Variants in TNC observed in about 807,000 individuals in gnomAD.
The protein encoded by TNC is tenascin.
Under a neutral mutation model 202.4 loss-of-function variants are expected in TNC, and 109 were observed. That is an observed-to-expected ratio of 0.54 (90% confidence interval 0.46 to 0.63). The LOEUF (loss-of-function observed/expected upper bound fraction) is 0.63. Among genes scored for constraint, TNC ranks in the 30% least tolerant of loss-of-function variants. TNC has a pLI of 0.00. For missense variants in TNC, 2,756 were observed against 2,833.3 expected, an observed-to-expected ratio of 0.97 and a Z score of 0.62; for synonymous variants, 1,007 against 1,089.7, an observed-to-expected ratio of 0.92 and a Z score of 1.50.
intron 1 of TNC, among the ~76,000 whole-genome samples, chr9:115,097,158 G>T (rs1190459436): frequency 2.0e-5 from 3 of 152,138 alleles, no homozygotes; most frequent in Non-Finnish European, 4.4e-5. Flanking sequence ...AAATAAACCT[G>T]TGTTCGAATC....
chr9:115,063,155 G>T lies in TNC; in HGVS notation c.3795C>A (p.Thr1265=). The T allele has an allele frequency of 1.9e-6, 3 of 1,614,110 alleles. No individual in the cohort carries two copies. ...GTCTGAGAGCATCCCAGCTAACCTC[G>T]GTCACTGTGAGGTTTCCCATATCTG... ...EVPDMGNLTV[T]EVSWDALRLN... The change falls in exon 13 of 28, where the codon ACC becomes ACA. Residue 1265 remains threonine (T), a synonymous_variant. Transcript: ENST00000350763.
Position 115,024,068 on chromosome 9 carries a change from T to C in TNC, c.6400A>G (p.Thr2134Ala), listed in dbSNP as rs1348438661. The C allele has an allele frequency of 6.8e-6, 11 of 1,614,144 alleles. No homozygotes were observed. The highest frequency in any genetic ancestry group is 9.3e-6 in the Non-Finnish European group (11 of 1,179,966). The change falls in exon 27 of 28, where the codon ACC becomes GCC. Residue 2134 changes from threonine to alanine, a missense_variant. By Grantham distance (58) the Thr-to-Ala change is moderately conservative. Coordinates refer to ENST00000350763, the MANE Select transcript of TNC (RefSeq NM_002160.4). ...CCTTTGTAGGACAGAGCACAGTTGG[T>C]GATGGCTGAATCTGTGTCCTTGTCA... ...TFDKDTDSAI[T>A]NCALSYKGAF...
chr9:115,053,783 G>A (rs560910420), intron 15 of TNC, among the ~76,000 whole-genome samples: 2 of 152,146 alleles, frequency 1.3e-5, no homozygotes, highest in East Asian at 1.9e-4. Flanking sequence ...ATTTAATACC[G>A]TAAAGGTGAA....
chr9:115,041,658 G>A (rs1830766993), intron 18 of TNC, among the ~76,000 whole-genome samples: 1 of 152,214 alleles, frequency 6.6e-6, no homozygotes, highest in South Asian at 2.1e-4. Context: ...TTCCTGTGAA[G>A]AGGTTATTAA....
chr9:115,106,908 C>T lies in TNC; in HGVS notation c.-137+11074G>A, dbSNP rs569272318. ...TCCTTCTAAATAGGATCATTTAATT[C>T]AGCATATGGCAGGAAATTCAAGAAA... On this transcript the variant is annotated intron_variant, in intron 1 of 27. Transcript: ENST00000350763. Among the ~76,000 whole-genome samples the T allele has an allele frequency of 2.6e-5, 4 of 152,206 alleles. No individual in the cohort carries two copies. The South Asian group carries it at 8.3e-4, about 32-fold the overall frequency.
chr9:115,046,828 C>T, intron 16 of TNC, 146 bp from the exon 17 acceptor site: 1 of 897,226 alleles, frequency 1.1e-6, no homozygotes. Flanking sequence ...AAAATAAAAT[C>T]ATTCAACATT....
chr9:115,085,750 G>A lies in TNC; in HGVS notation c.1867+114C>T, dbSNP rs556646759. ...TGTGTTTAAATGGATATATTAATAC[G>A]TACAAAGAATCAGTGTGCATGAATG... On this transcript the variant is annotated intron_variant, in intron 3 of 27. Coordinates refer to ENST00000350763, the MANE Select transcript of TNC (RefSeq NM_002160.4). 54 of 1,024,286 alleles carry A rather than the reference G, an allele frequency of 5.3e-5. 1 individual carries two copies. The South Asian group carries it at 5.6e-4, about 11-fold the overall frequency. The allele number at this position is 1,024,286 out of a possible 1,614,324, so 63.4% of individuals were successfully genotyped here. A position where few individuals can be genotyped will look rare whatever the true frequency, so the allele number is the denominator to read the frequency against.
intron 10 of TNC, among the ~76,000 whole-genome samples, chr9:115,069,000 G>A (rs1358371217): frequency 3.9e-5 from 6 of 152,134 alleles, no homozygotes; most frequent in Admixed American, 1.3e-4. Context: ...TTATAGCAAC[G>A]TGCACCATTT....
At chr9:115,073,431 A>G (rs1344760524) in intron 10 of TNC, among the ~76,000 whole-genome samples, 172 bp downstream of exon 10, 1 of 152,176 alleles carries the variant, frequency 6.6e-6, no homozygotes, top group Non-Finnish European at 1.5e-5. Context: ...AGTTGACAGG[A>G]GGTAGAAAAG....
At chr9:115,061,416 T>C (rs1404330752) in intron 13 of TNC, among the ~76,000 whole-genome samples, 3 of 152,076 alleles carry the variant, frequency 2.0e-5, no homozygotes, top group East Asian at 1.9e-4. Flanking sequence ...CCTTGGAAGA[T>C]TTCATTTGCA....
At chr9:115,029,784 T>G (rs1829811667) in intron 24 of TNC, among the ~76,000 whole-genome samples, 1 of 152,186 alleles carries the variant, frequency 6.6e-6, no homozygotes, top group African/African-American at 2.4e-5. Flanking sequence ...TATGAAAACT[T>G]CTGTTCACTT....
rs1617917 is a variant in TNC at position 115,085,833 on chromosome 9, A to T, written c.1867+31T>A. 0.32 allele frequency: 503,521 copies of T among 1,567,558 alleles called. 81,636 individuals are homozygous for T. The highest frequency in any genetic ancestry group is 0.42 in the Admixed American group (23,532 of 56,586). On this transcript the variant is annotated intron_variant, in intron 3 of 27. Coordinates refer to ENST00000350763, the MANE Select transcript of TNC (RefSeq NM_002160.4). ...ACTAGGAGTCCACTCCATCATGGCC[A>T]TTATATGCTGGTCTGCGCCCTGGCA... is the stretch of plus-strand genomic sequence containing the variant.
At position 115,076,181 on chromosome 9, in the gene TNC, G is replaced by A. The variant is rs1833836312; in HGVS notation, c.2861-60C>T. Reference sequence around the variant, plus strand: ...GAAATCAGAGAGACTTTCAGAGGATGATAAAAATGGCTTTGAGTTGGTCTC... The same window carrying A: ...GAAATCAGAGAGACTTTCAGAGGATAATAAAAATGGCTTTGAGTTGGTCTC... On this transcript the variant is annotated intron_variant, in intron 8 of 27. Transcript: ENST00000350763. 4 of 1,560,462 alleles carry A rather than the reference G, an allele frequency of 2.6e-6. No individual in the cohort carries two copies. The South Asian group carries it at 4.4e-5, about 17-fold the overall frequency.
intron 3 of TNC, 152 bp from the exon 4 acceptor site, chr9:115,084,624 T>A: frequency 1.1e-6 from 1 of 941,806 alleles, no homozygotes; most frequent in Non-Finnish European, 1.6e-6. Flanking sequence ...GACCCCCTGC[T>A]GTGATCCATC....
At chr9:115,035,972 C>G (rs765245766) in intron 21 of TNC, 126 bp downstream of exon 21, 61 of 1,103,532 alleles carry the variant, frequency 5.5e-5, no homozygotes, top group Non-Finnish European at 7.4e-5. Flanking sequence ...TTAAGTGATG[C>G]TGATGTAATC....
In TNC at chr9:115,086,510, CTT is replaced by C; in HGVS notation, c.1219_1220del (p.Lys407ValfsTer19). 2 of 1,613,846 alleles carry C rather than the reference CTT, an allele frequency of 1.2e-6. No homozygotes were observed. Among genetic ancestry groups the C allele is most frequent in the Non-Finnish European group, 1.7e-6 (2 of 1,180,006 alleles). On this transcript the variant is annotated frameshift_variant, in exon 3 of 28. Transcript: ENST00000350763. LOFTEE classifies it high-confidence loss of function. The stretch of plus-strand genomic sequence containing the variant: ...CATGGCCACTGCAGCCATTGGGACA[CTT>C]GAGCTCCCCACAGTCAGCTCCAGTG... ...GFTGADCGEL[K>X]CPNGCSGHGR...
intron 1 of TNC, among the ~76,000 whole-genome samples, chr9:115,100,478 A>G (rs1324078631): frequency 6.6e-6 from 1 of 152,228 alleles, no homozygotes; most frequent in Non-Finnish European, 1.5e-5. Context: ...TAGTTATTTA[A>G]GAGAATAACT....
At chr9:115,114,112 A>AGGCT (rs1240349388) in intron 1 of TNC, among the ~76,000 whole-genome samples, 1 of 152,166 alleles carries the variant, frequency 6.6e-6, no homozygotes, top group Non-Finnish European at 1.5e-5. Context: ...GGTTTGCAGG[A>AGGCT]GGCTGGTCAT....
At chr9:115,037,278 T>C (rs939454391) in intron 20 of TNC, among the ~76,000 whole-genome samples, 1 of 152,122 alleles carries the variant, frequency 6.6e-6, no homozygotes, top group East Asian at 1.9e-4. Context: ...TACCAAACCA[T>C]AAAATATGAA....
Sources: allele counts gnomAD v4.1 joint callset (sites outside exome capture counted in the v4.1 genomes callset), GRCh38; gene constraint gnomAD v4.1.1; transcripts MANE v1.5; gene names NCBI Gene and HGNC (gene_info 2026-07-23, HGNC 2026-07-21).